Variants in FCGR2A observed in about 807,000 individuals in gnomAD.
FCGR2A encodes low affinity immunoglobulin gamma Fc region receptor II-a.
In FCGR2A, 18 loss-of-function variants were observed where a neutral mutation model predicts 29.3. That is an observed-to-expected ratio of 0.62 (90% CI 0.43 to 0.91). The LOEUF is 0.91. Ranked by LOEUF, FCGR2A falls within the 40% of genes least tolerant of loss-of-function variation. The probability of loss-of-function intolerance (pLI) is 0.00; values close to 1 mark genes in which losing one functional copy is unlikely to be tolerated. For missense variants in FCGR2A, 287 were observed against 393.0 expected (o/e 0.73, Z 2.28); for synonymous variants, 126 against 144.8 (o/e 0.87, Z 0.93).
rs769218774 is a variant in FCGR2A at position 161,510,027 on chromosome 1, T to C, written c.572T>C (p.Ile191Thr). Reference sequence around the variant, plus strand: ...GGTGATTACCACTGCACAGGAAACATAGGCTACACGCTGTTCTCATCCAAG... The same window carrying C: ...GGTGATTACCACTGCACAGGAAACACAGGCTACACGCTGTTCTCATCCAAG... ...HSGDYHCTGN[I>T]GYTLFSSKPV... Residue 191 changes from isoleucine (I) to threonine (T), a missense_variant, in exon 4 of 7, where the codon ATA (isoleucine) becomes ACA (threonine). Physicochemically the swap from Ile to Thr is moderately conservative, Grantham distance 89. Coordinates refer to ENST00000271450, the MANE Select transcript of FCGR2A (RefSeq NM_001136219.3). 4.3e-6 allele frequency: 7 copies of C among 1,613,892 alleles called. No homozygotes were observed. The East Asian group carries it at 6.7e-5, about 15-fold the overall frequency.
rs184500023 is a variant in FCGR2A at position 161,517,403 on chromosome 1, G to A, written c.781-572G>A. ...CAATGAGTTACAGCAGAGGAGATTG[G>A]CTTCATAGACAGAAAAAGGTCTGAA... On this transcript the variant is annotated intron_variant, in intron 6 of 6. Coordinates refer to ENST00000271450, the MANE Select transcript of FCGR2A (RefSeq NM_001136219.3). Among the ~76,000 whole-genome samples the A allele has an allele frequency of 1.7e-3, 252 of 152,180 alleles. 1 individual carries two copies. The highest frequency in any genetic ancestry group is 5.7e-3 in the African/African-American group (237 of 41,504).
chr1:161,516,514 C>A (rs1385140346), intron 6 of FCGR2A, among the ~76,000 whole-genome samples: 2 of 151,816 alleles, frequency 1.3e-5, no homozygotes, highest in Non-Finnish European at 2.9e-5. Flanking sequence ...GATAAAAAGT[C>A]AGTAAAGTCT....
At chr1:161,510,178 A>C in intron 4 of FCGR2A, 104 bp downstream of exon 4, 2 of 1,553,534 alleles carry the variant, frequency 1.3e-6, no homozygotes, top group Non-Finnish European at 1.7e-6. Flanking sequence ...ATAGCAGCAA[A>C]ATTGGGCACT....
intron 1 of FCGR2A, 157 bp downstream of exon 1, chr1:161,505,709 C>T: frequency 1.2e-5 from 9 of 740,678 alleles, no homozygotes; most frequent in East Asian, 5.0e-5. Context: ...CCAATGGTTC[C>T]TAAGGTCAGA....
At chr1:161,511,906 C>G (rs994010526) in intron 5 of FCGR2A, among the ~76,000 whole-genome samples, 2 of 152,118 alleles carry the variant, frequency 1.3e-5, no homozygotes, top group Non-Finnish European at 1.5e-5. Context: ...GGGGCTTGTG[C>G]GAGTTCAGCT....
intron 2 of FCGR2A, 134 bp downstream of exon 2, chr1:161,506,141 C>T: frequency 7.9e-7 from 1 of 1,260,524 alleles, no homozygotes; most frequent in African/African-American, 1.5e-5. Context: ...GCAGTTCCCC[C>T]ATTTTAGTGG....
downstream of FCGR2A, among the ~76,000 whole-genome samples, chr1:161,521,545 GT>G (rs1676450036): frequency 6.6e-6 from 1 of 151,906 alleles, no homozygotes; most frequent in South Asian, 2.1e-4. Context: ...TTGTTCTATA[GT>G]GAAATGGTTT....
chr1:161,507,238 T>C (rs4657040), intron 3 of FCGR2A, among the ~76,000 whole-genome samples: 40,027 of 150,154 alleles, frequency 0.27, 5,437 homozygotes, highest in African/African-American at 0.28. Flanking sequence ...CTTTTTTTTT[T>C]CCCCCAAGTA....
Position 161,505,873 on chromosome 1 carries a change from T to G in FCGR2A, c.86-114T>G, listed in dbSNP as rs949387933. Reference sequence around the variant, plus strand: ...ATCAACTGGAAACAGGATCTTGAGATGGGTCCTGGAGAAGGAAGAGCCCAA... The same window carrying G: ...ATCAACTGGAAACAGGATCTTGAGAGGGGTCCTGGAGAAGGAAGAGCCCAA... On this transcript the variant is annotated intron_variant, in intron 1 of 6. Coordinates refer to ENST00000271450, the MANE Select transcript of FCGR2A (RefSeq NM_001136219.3). 38 of 971,430 alleles carry G rather than the reference T, an allele frequency of 3.9e-5. No homozygotes were observed. The Admixed American group carries it at 6.6e-4, about 17-fold the overall frequency. 60.2% of individuals were successfully genotyped at this position (971,430 alleles called of 1,614,324 possible). A position where few individuals can be genotyped will look rare whatever the true frequency, so the allele number is the denominator to read the frequency against.
Position 161,506,389 on chromosome 1 carries a change from G to C in FCGR2A, c.162G>C (p.Gln54His). 6.2e-7 allele frequency: 1 copy of C among 1,614,234 alleles called. No individual in the cohort carries two copies. The highest frequency in any genetic ancestry group is 1.1e-5 in the South Asian group (1 of 91,090). ...KLEPPWINVL[Q>H]EDSVTLTCQG... is the part of the protein sequence containing the mutation. ...AGCCCCCGTGGATCAACGTGCTCCA[G>C]GAGGACTCTGTGACTCTGACATGCC... The change falls in exon 3 of 7, where the codon CAG (glutamine) becomes CAC (histidine). Residue 54 changes from glutamine (Q) to histidine (H), a missense_variant. Gln to His is a conservative substitution (Grantham distance 24). Transcript: ENST00000271450.
chr1:161,516,529 G>A (rs974501886), intron 6 of FCGR2A, among the ~76,000 whole-genome samples: 1 of 151,790 alleles, frequency 6.6e-6, no homozygotes, highest in Admixed American at 6.6e-5. Context: ...AAGTCTCTTG[G>A]ATATCACCAA....
chr1:161,506,330 T>C lies in FCGR2A; in HGVS notation c.107-4T>C, dbSNP rs1557827806. ...TCCACACCCCTTTCCACTCTGCCCC[T>C]CAGCAGCTCCCCCAAAGGCTGTGCT... is the stretch of plus-strand genomic sequence containing the variant. On this transcript the variant is annotated splice_polypyrimidine_tract_variant and splice_region_variant and intron_variant, in intron 2 of 6. Coordinates refer to ENST00000271450, the MANE Select transcript of FCGR2A (RefSeq NM_001136219.3). 1 of 1,614,122 alleles carries C rather than the reference T, an allele frequency of 6.2e-7. No individual in the cohort carries two copies. The highest frequency in any genetic ancestry group is 1.1e-5 in the South Asian group (1 of 91,066).
At chr1:161,505,742 C>T (rs538825991) in intron 1 of FCGR2A, 190 bp downstream of exon 1, 1 of 706,958 alleles carries the variant, frequency 1.4e-6, no homozygotes, top group South Asian at 1.6e-5. Context: ...TTTCATAGTC[C>T]CTGGAAAGTC....
chr1:161,506,255 C>A (rs1675381597), intron 2 of FCGR2A, 79 bp from the exon 3 acceptor site: 2 of 1,567,004 alleles, frequency 1.3e-6, no homozygotes, highest in East Asian at 4.5e-5. Context: ...GGGTGCCTGA[C>A]CTCCCTTGGG....
downstream of FCGR2A, among the ~76,000 whole-genome samples, chr1:161,522,371 A>G (rs978939006): frequency 1.3e-5 from 2 of 152,108 alleles, no homozygotes; most frequent in African/African-American, 4.8e-5. Flanking sequence ...TATTGGAAGC[A>G]TGCCTCTGTG....
chr1:161,520,250 T>C (rs2446629), downstream of FCGR2A, among the ~76,000 whole-genome samples: 1,561 of 148,482 alleles, frequency 0.011, 24 homozygotes, highest in South Asian at 0.026. Flanking sequence ...CACAGTTCCT[T>C]ATCGCTGGGG....
chr1:161,505,575 T>C (rs1213133924), intron 1 of FCGR2A, 23 bp downstream of exon 1: 2 of 1,594,966 alleles, frequency 1.3e-6, no homozygotes, highest in Admixed American at 3.3e-5. Context: ...CATTCTGAAA[T>C]GGGGCAATTT....
intron 5 of FCGR2A, chr1:161,513,436 G>C (rs1236581298): frequency 7.1e-6 from 1 of 141,404 alleles, no homozygotes; most frequent in Admixed American, 7.4e-5. Context: ...CCTTTTTAAT[G>C]CCATGGAGTA....
intron 1 of FCGR2A, chr1:161,505,773 T>C (rs1675346212): frequency 2.8e-6 from 2 of 711,154 alleles, no homozygotes; most frequent in Non-Finnish European, 5.0e-6. Flanking sequence ...CAAACATTCA[T>C]GTGTACTTTG....
Sources: gnomAD v4.1 joint callset for allele counts (sites outside exome capture counted in the v4.1 genomes callset) on GRCh38, gnomAD v4.1.1 for gene constraint, MANE v1.5 for transcripts, NCBI Gene and HGNC (gene_info 2026-07-23, HGNC 2026-07-21) for gene names.